MYO3B: variants seen among roughly 807,000 people sequenced by gnomAD.
MYO3B encodes myosin IIIB.
MYO3B carries 156 observed loss-of-function variants against 174.6 expected under a neutral mutation model. That is an observed-to-expected ratio of 0.89 (90% CI 0.78 to 1.02). The LOEUF (loss-of-function observed/expected upper bound fraction) is 1.02, where lower values mean the gene tolerates loss of function less well. MYO3B is among the 50% of genes least tolerant of loss of function. The pLI is 0.00. For missense variants in MYO3B, 1,632 were observed against 1,639.4 expected (o/e 1.00, Z 0.08); for synonymous variants, 563 against 569.1 (o/e 0.99, Z 0.15).
Position 170,387,237 on chromosome 2 carries a change from A to G in MYO3B, c.1506A>G (p.Pro502=), listed in dbSNP as rs1022801144. The G allele has an allele frequency of 8.1e-6, 13 of 1,614,160 alleles. No individual in the cohort carries two copies. The highest frequency in any genetic ancestry group is 1.0e-5 in the Non-Finnish European group (12 of 1,179,992). The stretch of plus-strand genomic sequence containing the variant: ...AATATCTGGAAATGATGTTTACACC[A>G]ACTGGAGTTGTGATGGGGGCAAGAA... ...FGKYLEMMFT[P]TGVVMGARIS... Residue 502 remains proline (P), a synonymous_variant, in exon 14 of 35, where the codon CCA becomes CCG. Transcript: ENST00000408978.
At chr2:170,586,643 A>G (rs1234072135) in intron 32 of MYO3B, among the ~76,000 whole-genome samples, 1 of 152,194 alleles carries the variant, frequency 6.6e-6, no homozygotes, top group Non-Finnish European at 1.5e-5. Context: ...TTTCTGTGAG[A>G]TGAAAAGTTC....
intron 22 of MYO3B, among the ~76,000 whole-genome samples, chr2:170,417,278 T>A (rs1292238347): frequency 6.6e-6 from 1 of 152,154 alleles, no homozygotes; most frequent in African/African-American, 2.4e-5. Context: ...CATACATCTA[T>A]CTCTATCCCT....
intron 28 of MYO3B, among the ~76,000 whole-genome samples, chr2:170,511,257 G>A (rs1022751705): frequency 2.0e-5 from 3 of 151,240 alleles, no homozygotes; most frequent in East Asian, 1.9e-4. Context: ...TAGTAGAGAC[G>A]GGGTTTCACC....
At chr2:170,209,220 A>G (rs910762726) in intron 3 of MYO3B, among the ~76,000 whole-genome samples, 2 of 152,208 alleles carry the variant, frequency 1.3e-5, no homozygotes, top group Non-Finnish European at 2.9e-5. Flanking sequence ...AAACAACTAC[A>G]TTGCTGTAAG....
chr2:170,525,255 T>C (rs1314782739), intron 30 of MYO3B, among the ~76,000 whole-genome samples: 1 of 152,088 alleles, frequency 6.6e-6, no homozygotes, highest in African/African-American at 2.4e-5. Context: ...AAGTGAGTGG[T>C]TGGGTTGATG....
intron 25 of MYO3B, among the ~76,000 whole-genome samples, chr2:170,493,672 C>T (rs911378223): frequency 8.5e-5 from 13 of 152,120 alleles, no homozygotes; most frequent in African/African-American, 7.2e-5. Flanking sequence ...AAGAAATGAG[C>T]GTATGTCATT....
At chr2:170,437,984 A>G (rs1339239166) in intron 22 of MYO3B, among the ~76,000 whole-genome samples, 2 of 152,196 alleles carry the variant, frequency 1.3e-5, no homozygotes, top group African/African-American at 2.4e-5. Context: ...TAAGTATACA[A>G]TACAGTATCA....
At chr2:170,480,343 A>C (rs1369146367) in intron 25 of MYO3B, among the ~76,000 whole-genome samples, 2 of 152,132 alleles carry the variant, frequency 1.3e-5, no homozygotes, top group African/African-American at 4.8e-5. Context: ...GTGATAACCC[A>C]AGAGGTTTGG....
intron 8 of MYO3B, among the ~76,000 whole-genome samples, chr2:170,339,006 T>C (rs2093962129): frequency 6.6e-6 from 1 of 152,204 alleles, no homozygotes; most frequent in Non-Finnish European, 1.5e-5. Context: ...ATTATATTTA[T>C]TCAAATCTCT....
chr2:170,586,867 C>T (rs560571916), intron 32 of MYO3B, among the ~76,000 whole-genome samples: 2 of 152,136 alleles, frequency 1.3e-5, no homozygotes, highest in East Asian at 3.8e-4. Context: ...ATCTTGGCAG[C>T]CTTTTAGAAC....
chr2:170,375,574 G>T (rs1272382405), intron 9 of MYO3B, among the ~76,000 whole-genome samples: 2 of 151,754 alleles, frequency 1.3e-5, no homozygotes, highest in African/African-American at 4.8e-5. Flanking sequence ...GCCTGAGGCT[G>T]ATTAAAACAA....
At chr2:170,252,311 C>T (rs2093262179) in intron 7 of MYO3B, among the ~76,000 whole-genome samples, 1 of 152,154 alleles carries the variant, frequency 6.6e-6, no homozygotes, top group South Asian at 2.1e-4. Flanking sequence ...TGCTCTCCAA[C>T]TGGAAAGGGA....
chr2:170,322,614 A>G (rs2093836698), intron 7 of MYO3B, among the ~76,000 whole-genome samples: 1 of 152,204 alleles, frequency 6.6e-6, no homozygotes, highest in South Asian at 2.1e-4. Flanking sequence ...GTGTGATTCT[A>G]TTCTTGCAGT....
chr2:170,235,990 G>C lies in MYO3B; in HGVS notation c.604-1G>C. 6.2e-7 allele frequency: 1 copy of C among 1,613,922 alleles called. No individual in the cohort carries two copies. Among genetic ancestry groups the C allele is most frequent in the Non-Finnish European group, 8.5e-7 (1 of 1,179,984 alleles). ...TGTCATGTCCTGCTTTTGTCCAATA[G>C]GTCATTGCCTGTGAGCAGCAGTATG... On this transcript the variant is annotated splice_acceptor_variant, in intron 6 of 34. Coordinates refer to ENST00000408978, the MANE Select transcript of MYO3B (RefSeq NM_138995.5). LOFTEE classifies it high-confidence loss of function.
At chr2:170,502,931 G>C (rs1687373260) in intron 28 of MYO3B, among the ~76,000 whole-genome samples, 1 of 152,202 alleles carries the variant, frequency 6.6e-6, no homozygotes, top group Non-Finnish European at 1.5e-5. Context: ...GGCGGAAAGA[G>C]TGCTATTAAA....
chr2:170,515,102 C>A, intron 29 of MYO3B, 80 bp downstream of exon 29: 3 of 1,182,730 alleles, frequency 2.5e-6, no homozygotes, highest in South Asian at 1.4e-5. Context: ...GAAGTGATCA[C>A]CTCTTATATA....
intron 32 of MYO3B, among the ~76,000 whole-genome samples, chr2:170,545,355 G>A (rs562968569): frequency 1.3e-5 from 2 of 152,270 alleles, no homozygotes; most frequent in Admixed American, 6.5e-5. Flanking sequence ...TTTTACTTAG[G>A]ATTAAATGAG....
At chr2:170,271,933 T>G (rs1233434665) in intron 7 of MYO3B, among the ~76,000 whole-genome samples, 2 of 152,132 alleles carry the variant, frequency 1.3e-5, no homozygotes, top group East Asian at 1.9e-4. Context: ...TATTCAGGTT[T>G]CAGTATATAA....
intron 32 of MYO3B, among the ~76,000 whole-genome samples, chr2:170,583,902 C>T (rs12989710): frequency 0.027 from 4,104 of 152,144 alleles, 77 homozygotes; most frequent in Non-Finnish European, 0.043. Flanking sequence ...TAACAGTAAA[C>T]TTAAAAAAAA....
Sources: allele counts gnomAD v4.1 joint callset (sites outside exome capture counted in the v4.1 genomes callset), GRCh38; gene constraint gnomAD v4.1.1; transcripts MANE v1.5; gene names NCBI Gene and HGNC (gene_info 2026-07-23, HGNC 2026-07-21).